DST: variants seen among roughly 807,000 people sequenced by gnomAD.
DST encodes dystonin, also known as bullous pemphigoid antigen.
In DST, 253 loss-of-function variants were observed where a neutral mutation model predicts 875.2. The observed-to-expected ratio is 0.29, with a 90% CI of 0.26 to 0.32. DST has a LOEUF of 0.32. Ranked by LOEUF, DST falls within the 10% of genes least tolerant of loss-of-function variation. The probability of loss-of-function intolerance (pLI) is 1.00; values close to 1 mark genes in which losing one functional copy is unlikely to be tolerated. For missense variants in DST, 8,287 were observed against 9,111.6 expected (o/e 0.91, Z 3.68); for synonymous variants, 3,124 against 3,197.1 (o/e 0.98, Z 0.77).
chr6:56,706,376 G>A (rs1226847459), intron 5 of DST, among the ~76,000 whole-genome samples: 4 of 151,902 alleles, frequency 2.6e-5, no homozygotes, highest in Admixed American at 2.0e-4. Flanking sequence ...AGTTACAAAG[G>A]AGTTATCCAT....
chr6:56,738,846 C>T (rs2099536032), intron 4 of DST, among the ~76,000 whole-genome samples: 1 of 151,378 alleles, frequency 6.6e-6, no homozygotes, highest in African/African-American at 2.4e-5. Flanking sequence ...TGGTCTTGAA[C>T]ACCTAAGCTC....
intron 5 of DST, among the ~76,000 whole-genome samples, chr6:56,734,730 TAGAG>T (rs1403355154): frequency 6.6e-6 from 1 of 152,212 alleles, no homozygotes; most frequent in African/African-American, 2.4e-5. Context: ...AACTGCTTCA[TAGAG>T]AAAGTTAGAC....
chr6:56,750,491 T>C (rs970586417), intron 4 of DST, among the ~76,000 whole-genome samples: 1 of 152,200 alleles, frequency 6.6e-6, no homozygotes, highest in Non-Finnish European at 1.5e-5. Context: ...CTTTATTGCC[T>C]ACTATGAGAA....
At chr6:56,856,898 G>A (rs891540398) in intron 3 of DST, among the ~76,000 whole-genome samples, 1 of 152,058 alleles carries the variant, frequency 6.6e-6, no homozygotes, top group Non-Finnish European at 1.5e-5. Flanking sequence ...ATAAAAACAA[G>A]GAAAAGTATT....
chr6:56,728,712 G>T (rs1243218158), intron 5 of DST, among the ~76,000 whole-genome samples: 1 of 151,894 alleles, frequency 6.6e-6, no homozygotes, highest in African/African-American at 2.4e-5. Flanking sequence ...AATAAAGCAG[G>T]TTAAAGAGAC....
chr6:56,844,348 C>A (rs1464447488), intron 4 of DST, among the ~76,000 whole-genome samples: 1 of 152,202 alleles, frequency 6.6e-6, no homozygotes, highest in East Asian at 1.9e-4. Context: ...ACAGGCGCAT[C>A]TGCTGCTGGG....
chr6:56,549,058 G>C (rs1157155401), intron 61 of DST, among the ~76,000 whole-genome samples: 1 of 152,138 alleles, frequency 6.6e-6, no homozygotes, highest in African/African-American at 2.4e-5. Context: ...ACTATTAACA[G>C]CTATTTCTTG....
intron 3 of DST, among the ~76,000 whole-genome samples, chr6:56,858,732 A>AAGC (rs1769364489): frequency 6.6e-6 from 1 of 152,220 alleles, no homozygotes; most frequent in East Asian, 1.9e-4. Flanking sequence ...AAGGCTCAGC[A>AAGC]CTAAGACATT....
chr6:56,498,304 C>T lies in DST; in HGVS notation c.19897-251G>A, dbSNP rs79802542. On this transcript the variant is annotated intron_variant, in intron 80 of 103. Transcript: ENST00000680361. ...CGTCCCATTTCAGCCTCTCAAATAG[C>T]TGGGACTACAGGCACACACTGCCAT... 9.9e-3 allele frequency among the ~76,000 whole-genome samples: 1,502 copies of T among 152,190 alleles called. 27 individuals are homozygous for T. The highest frequency in any genetic ancestry group is 0.033 in the African/African-American group (1,391 of 41,538).
At chr6:56,529,159 T>C (rs902131765) in intron 66 of DST, among the ~76,000 whole-genome samples, 1 of 152,208 alleles carries the variant, frequency 6.6e-6, no homozygotes, top group African/African-American at 2.4e-5. Context: ...AGAAAATACT[T>C]AGGGCCCTAT....
chr6:56,843,724 G>T, intron 4 of DST: 1 of 331,088 alleles, frequency 3.0e-6, no homozygotes, highest in Non-Finnish European at 4.1e-6. Context: ...GAGGGTGGAG[G>T]GTGGAGAGTG....
chr6:56,481,072 T>C (rs1447129550), intron 90 of DST, among the ~76,000 whole-genome samples: 7 of 152,232 alleles, frequency 4.6e-5, no homozygotes, highest in Admixed American at 4.6e-4. Flanking sequence ...GAAAATGCTA[T>C]GCAAGCTTGT....
intron 36 of DST, chr6:56,620,065 T>A: frequency 1.9e-6 from 3 of 1,613,868 alleles, no homozygotes; most frequent in Non-Finnish European, 2.5e-6. Context: ...GAATTTCAGT[T>A]ATTTTTCTTC....
chr6:56,563,165 G>A (rs1011269285), intron 55 of DST, among the ~76,000 whole-genome samples: 1 of 152,162 alleles, frequency 6.6e-6, no homozygotes, highest in Non-Finnish European at 1.5e-5. Flanking sequence ...TTGCCACACT[G>A]TCTTCCACAA....
Position 56,954,710 on chromosome 6 carries a change from G to T in DST, c.-123C>A. 2 of 520,132 alleles carry T rather than the reference G, an allele frequency of 3.8e-6. No homozygotes were observed. The highest frequency in any genetic ancestry group is 5.1e-6 in the Non-Finnish European group (2 of 395,078). The allele number at this position is 520,132 out of a possible 1,614,324, so 32.2% of individuals were successfully genotyped here. A position where few individuals can be genotyped will look rare whatever the true frequency, so the allele number is the denominator to read the frequency against. The stretch of plus-strand genomic sequence containing the variant: ...CGCGGCTCAGCGCGTCATGCCTGGC[G>T]CTCGCGGCCCCGCGCCCAGCCCAAT... On this transcript the variant is annotated 5_prime_UTR_variant, in exon 1 of 104. Transcript: ENST00000680361.
chr6:56,595,322 T>C (rs1427267069), intron 47 of DST, among the ~76,000 whole-genome samples: 5 of 152,028 alleles, frequency 3.3e-5, no homozygotes, highest in African/African-American at 9.7e-5. Context: ...CCCATCTCCA[T>C]TGAGTCCCGT....
chr6:56,588,008 G>C (rs1403386188), intron 49 of DST, among the ~76,000 whole-genome samples: 1 of 151,278 alleles, frequency 6.6e-6, no homozygotes, highest in Admixed American at 6.6e-5. Flanking sequence ...ATCAACTAAC[G>C]AGCAAAATAA....
Position 56,625,195 on chromosome 6 carries a change from G to T in DST, c.4792C>A (p.Arg1598=), listed in dbSNP as rs1188417345. The T allele has an allele frequency of 6.2e-7, 1 of 1,613,182 alleles. No individual in the cohort carries two copies. Among genetic ancestry groups the T allele is most frequent in the South Asian group, 1.1e-5 (1 of 91,054 alleles). Residue 1598 remains arginine (R), a synonymous_variant, in exon 35 of 104, where the codon CGA becomes AGA. Coordinates refer to ENST00000680361, the MANE Select transcript of DST (RefSeq NM_001374736.1). ...AGATCTGCTGAACTCTGCATTCTTC[G>T]GCGTTTCACTGGAGATTTTTGTTGT... ...DSQQKSPVKR[R]RMQSSADLII... is the part of the protein sequence containing the mutation.
At chr6:56,827,268 C>T (rs1214065723) in intron 4 of DST, among the ~76,000 whole-genome samples, 15 of 152,196 alleles carry the variant, frequency 9.9e-5, no homozygotes, top group Admixed American at 2.6e-4. Flanking sequence ...GTAATCCCAG[C>T]ACTTTGGGAG....
Sources: allele counts gnomAD v4.1 joint callset (sites outside exome capture counted in the v4.1 genomes callset), GRCh38; gene constraint gnomAD v4.1.1; transcripts MANE v1.5; gene names NCBI Gene and HGNC (gene_info 2026-07-23, HGNC 2026-07-21).